The following PDCD6IP variants were observed in gnomAD, a reference collection of about 807,000 sequenced individuals.
PDCD6IP encodes programmed cell death 6 interacting protein, also known as programmed cell death 6-interacting protein.
A neutral mutation model predicts 103.7 loss-of-function variants in PDCD6IP; 43 were observed. The ratio of observed to expected loss-of-function variants is 0.41; its 90% CI spans 0.32 to 0.53. The LOEUF (loss-of-function observed/expected upper bound fraction) is 0.53, where lower values mean the gene tolerates loss of function less well. PDCD6IP is among the 20% of genes least tolerant of loss of function. The pLI is 0.16. For synonymous variants in PDCD6IP, 354 were observed against 378.7 expected (o/e 0.93, Z 0.76); for missense variants, 871 against 1,036.7 (o/e 0.84, Z 2.20).
chr3:33,811,952 TA>T (rs1696729154), intron 1 of PDCD6IP, 119 bp from the exon 2 acceptor site: 1 of 1,332,456 alleles, frequency 7.5e-7, no homozygotes, highest in Non-Finnish European at 9.7e-7. Flanking sequence ...CTTTTTTTCA[TA>T]TAAAATAGCT....
chr3:33,840,914 T>A (rs779970577), intron 9 of PDCD6IP, among the ~76,000 whole-genome samples: 3 of 152,184 alleles, frequency 2.0e-5, no homozygotes, highest in Non-Finnish European at 4.4e-5. Flanking sequence ...AAAGACTGCT[T>A]TTTTAGGATA....
chr3:33,805,718 C>G (rs1696580810), intron 1 of PDCD6IP, among the ~76,000 whole-genome samples: 1 of 149,496 alleles, frequency 6.7e-6, no homozygotes, highest in African/African-American at 2.4e-5. Context: ...CATACCTGGC[C>G]AATTTTTTTT....
chr3:33,820,793 T>A (rs556037530), intron 3 of PDCD6IP, among the ~76,000 whole-genome samples: 1 of 152,236 alleles, frequency 6.6e-6, no homozygotes, highest in Non-Finnish European at 1.5e-5. Context: ...TGTTTATATA[T>A]TCATCAGATC....
chr3:33,829,398 G>A (rs1697198010), intron 7 of PDCD6IP, among the ~76,000 whole-genome samples: 1 of 152,136 alleles, frequency 6.6e-6, no homozygotes, highest in African/African-American at 2.4e-5. Context: ...AGGAGTATGT[G>A]TAGTGTTTAA....
rs3183982 is a variant in PDCD6IP at position 33,853,899 on chromosome 3, A to G, written c.1911A>G (p.Ser637=). ...ACAAGGTCTCACATCAGGAATTTTC[A>G]AAAATGAAACAATCTAATAATGAAG... ...KNIQVSHQEF[S]KMKQSNNEAN... Residue 637 remains serine (S), a synonymous_variant, in exon 14 of 18, where the codon TCA becomes TCG. Transcript: ENST00000307296. The G allele has an allele frequency of 0.27, 419,352 of 1,527,434 alleles. 60,199 individuals carry two copies. Among genetic ancestry groups the G allele is most frequent in the Admixed American group, 0.45 (19,862 of 44,142 alleles). The allele number at this position is 1,527,434 out of a possible 1,614,324, so 94.6% of individuals were successfully genotyped here.
intron 1 of PDCD6IP, among the ~76,000 whole-genome samples, chr3:33,803,313 T>C (rs1452630161): frequency 6.6e-6 from 1 of 152,232 alleles, no homozygotes; most frequent in East Asian, 1.9e-4. Flanking sequence ...TACGTACTGA[T>C]TAATAATTTA....
chr3:33,812,960 GTTTA>G (rs553190891), intron 2 of PDCD6IP, among the ~76,000 whole-genome samples: 103 of 151,908 alleles, frequency 6.8e-4, no homozygotes, highest in African/African-American at 2.4e-3. Context: ...TTTAAATGAG[GTTTA>G]TTTCTTTCTA....
At chr3:33,863,798 A>G (rs879385417) in intron 15 of PDCD6IP, 2 of 535,476 alleles carry the variant, frequency 3.7e-6, no homozygotes, top group Non-Finnish European at 6.6e-6. Context: ...GTTGGATCAT[A>G]TTGTAGATCT....
At chr3:33,843,228 C>T (rs1677196795) in intron 10 of PDCD6IP, among the ~76,000 whole-genome samples, 1 of 152,132 alleles carries the variant, frequency 6.6e-6, no homozygotes, top group Non-Finnish European at 1.5e-5. Flanking sequence ...TTTAAAAATT[C>T]ATCCACTGAG....
Position 33,814,413 on chromosome 3 carries a change from G to A in PDCD6IP, c.334+785G>A, listed in dbSNP as rs183040791. On this transcript the variant is annotated intron_variant, in intron 3 of 17. Transcript: ENST00000307296. Reference sequence around the variant, plus strand: ...GCCTCCCAAAGTGCTGGGATTACAGGTGTGAGCCCCTGGCCTATTCCATTA... The same window carrying A: ...GCCTCCCAAAGTGCTGGGATTACAGATGTGAGCCCCTGGCCTATTCCATTA... Among the ~76,000 whole-genome samples the A allele has an allele frequency of 5.9e-5, 9 of 151,950 alleles. No individual in the cohort carries two copies. The East Asian group carries it at 1.5e-3, about 26-fold the overall frequency.
intron 15 of PDCD6IP, among the ~76,000 whole-genome samples, chr3:33,861,595 A>G (rs541019286): frequency 6.6e-6 from 1 of 152,328 alleles, no homozygotes; most frequent in South Asian, 2.1e-4. Flanking sequence ...ATCGAGGTCA[A>G]AGGATATGTG....
intron 1 of PDCD6IP, among the ~76,000 whole-genome samples, chr3:33,806,008 G>T (rs947168539): frequency 6.6e-6 from 1 of 152,180 alleles, no homozygotes; most frequent in African/African-American, 2.4e-5. Context: ...ACCTCCCAAA[G>T]TGCTGGGATT....
intron 15 of PDCD6IP, among the ~76,000 whole-genome samples, chr3:33,858,640 C>T (rs1697882454): frequency 6.6e-6 from 1 of 152,088 alleles, no homozygotes; most frequent in Non-Finnish European, 1.5e-5. Context: ...GAAACCCCGT[C>T]TCTACTAAAA....
In PDCD6IP at chr3:33,822,026, G is replaced by C. The variant is rs1186158422; in HGVS notation, c.406G>C (p.Ala136Pro). The change falls in exon 4 of 18, where the codon GCA (alanine) becomes CCA (proline). Residue 136 changes from alanine (A) to proline (P), a missense_variant. Around this residue, in one of 5 missense-constraint regions of PDCD6IP, gnomAD observed 47 missense variants for 83.7 expected, o/e 0.56. Transcript: ENST00000307296. ...NCAALASQIA[A>P]EQNLDNDEGL... is the part of the protein sequence containing the mutation. ...TGCAGCCTTAGCTAGCCAAATTGCA[G>C]CAGAACAGAACCTGGATAATGATGA... 6.2e-7 allele frequency: 1 copy of C among 1,614,094 alleles called. No individual in the cohort carries two copies. Among genetic ancestry groups the C allele is most frequent in the Admixed American group, 1.7e-5 (1 of 60,024 alleles).
rs1203606156 is a variant in PDCD6IP, at chr3:33,868,662, T to C, written c.*2137T>C. On this transcript the variant is annotated 3_prime_UTR_variant, in exon 18 of 18. Coordinates refer to ENST00000307296, the MANE Select transcript of PDCD6IP (RefSeq NM_013374.6). ...TTTATTACTGTTAAGGATCATACTG[T>C]TGGTTTGGAGTTGGAAGGGTACTAC... 7 of 152,200 alleles carry C rather than the reference T, an allele frequency of 4.6e-5. No homozygotes were observed. Among genetic ancestry groups the C allele is most frequent in the Non-Finnish European group, 1.0e-4 (7 of 68,044 alleles). 9.4% of individuals were successfully genotyped at this position (152,200 alleles called of 1,614,324 possible). A position where few individuals can be genotyped will look rare whatever the true frequency, so the allele number is the denominator to read the frequency against.
chr3:33,857,955 T>G (rs1697865614), intron 15 of PDCD6IP, among the ~76,000 whole-genome samples: 2 of 152,106 alleles, frequency 1.3e-5, no homozygotes, highest in East Asian at 3.9e-4. Context: ...GACAATCACA[T>G]GAGAGAGAAA....
At chr3:33,803,199 AAG>A (rs2125540446) in intron 1 of PDCD6IP, among the ~76,000 whole-genome samples, 1 of 152,268 alleles carries the variant, frequency 6.6e-6, no homozygotes, top group South Asian at 2.1e-4. Context: ...GTTTAACTGT[AAG>A]AGGAACTTGT....
chr3:33,839,429 TCTATGGCTGAG>T (rs1338454803), intron 9 of PDCD6IP, among the ~76,000 whole-genome samples: 3 of 152,236 alleles, frequency 2.0e-5, no homozygotes, highest in African/African-American at 7.2e-5. Flanking sequence ...TTCAGTCTTT[TCTATGGCTGAG>T]CAGTATTCCA....
At position 33,838,331 on chromosome 3, in the gene PDCD6IP, G is replaced by A; in HGVS notation, c.1181+4G>A. 3.1e-6 allele frequency: 5 copies of A among 1,606,488 alleles called. No homozygotes were observed. The highest frequency in any genetic ancestry group is 4.3e-6 in the Non-Finnish European group (5 of 1,175,468). On this transcript the variant is annotated splice_donor_region_variant and intron_variant, in intron 9 of 17. Coordinates refer to ENST00000307296, the MANE Select transcript of PDCD6IP (RefSeq NM_013374.6). ...AAGCCACCACTTTGGCAAATGGGTAGGTAGAGCTTAATTTTAGAGCCTAAA... is the reference window on the plus strand; with the variant it reads ...AAGCCACCACTTTGGCAAATGGGTAAGTAGAGCTTAATTTTAGAGCCTAAA...
Sources: gnomAD v4.1 joint callset for allele counts (sites outside exome capture counted in the v4.1 genomes callset) on GRCh38, gnomAD v4.1.1 for gene constraint, gnomAD v4.1.1 regional missense constraint, MANE v1.5 for transcripts, NCBI Gene and HGNC (gene_info 2026-07-23, HGNC 2026-07-21) for gene names.